The following SLC13A3 variants were observed in gnomAD, a reference collection of about 807,000 sequenced individuals.
SLC13A3 encodes the protein Na(+)/dicarboxylate cotransporter 3.
SLC13A3 carries 40 observed loss-of-function variants against 59.0 expected under a neutral mutation model. The ratio of observed to expected loss-of-function variants is 0.68; its 90% CI spans 0.53 to 0.88. The LOEUF (loss-of-function observed/expected upper bound fraction) is 0.88, where lower values mean the gene tolerates loss of function less well. Ranked by LOEUF, SLC13A3 falls within the 40% of genes least tolerant of loss-of-function variation. The pLI, the probability that SLC13A3 is intolerant of heterozygous loss-of-function variation, is 0.00. For missense variants in SLC13A3, 699 were observed against 783.2 expected, an observed-to-expected ratio of 0.89 and a Z score of 1.28; for synonymous variants, 317 against 330.3, an observed-to-expected ratio of 0.96 and a Z score of 0.44.
At chr20:46,574,865 TCTC>T (rs1340571216) in intron 10 of SLC13A3, among the ~76,000 whole-genome samples, 1 of 143,764 alleles carries the variant, frequency 7.0e-6, no homozygotes, top group Non-Finnish European at 1.5e-5. Context: ...AGAGATGAGG[TCTC>T]GCTCTGTCAC....
chr20:46,566,470 A>G, intron 10 of SLC13A3, 80 bp from the exon 11 acceptor site: 1 of 1,483,196 alleles, frequency 6.7e-7, no homozygotes, highest in South Asian at 1.3e-5. Flanking sequence ...ATAGATCACA[A>G]CAATGACGAC....
At chr20:46,604,482 T>C (rs1197823846) in intron 3 of SLC13A3, among the ~76,000 whole-genome samples, 2 of 152,194 alleles carry the variant, frequency 1.3e-5, no homozygotes, top group Admixed American at 6.5e-5. Context: ...TTTTCTTTTT[T>C]ACATGGGATT....
intron 2 of SLC13A3, 85 bp from the exon 3 acceptor site, chr20:46,610,694 A>G: frequency 6.2e-6 from 7 of 1,136,252 alleles, no homozygotes; most frequent in Non-Finnish European, 8.8e-6. Flanking sequence ...CCTGAGGAAT[A>G]CAATCCATCC....
Position 46,596,253 on chromosome 20 carries a change from C to A in SLC13A3, c.698G>T (p.Gly233Val). The A allele has an allele frequency of 6.2e-7, 1 of 1,614,170 alleles. No individual in the cohort carries two copies. The highest frequency in any genetic ancestry group is 1.1e-5 in the South Asian group (1 of 91,088). ...EDEYRRNIWKGFLISIPYSAS... is the reference protein window; with the variant it reads ...EDEYRRNIWKVFLISIPYSAS... ...TGAGTAGGGGATGGAGATGAGGAAG[C>A]CCTTCCAGATGTTCCGACGATATTC... The change falls in exon 5 of 13, where the codon GGC becomes GTC. Residue 233 changes from glycine to valine, a missense_variant. Coordinates refer to ENST00000279027, the MANE Select transcript of SLC13A3 (RefSeq NM_022829.6).
Position 46,581,340 on chromosome 20 carries a change from G to A in SLC13A3, c.1219+2232C>T, listed in dbSNP as rs547584713. Among the ~76,000 whole-genome samples, 43 of 152,342 alleles carry A rather than the reference G, an allele frequency of 2.8e-4. No homozygotes were observed. In the East Asian group the frequency reaches 4.0e-3, roughly 14 times the overall value. Reference sequence around the variant, plus strand: ...ATCCATAGGCAGGCCAGGGATCTACGAGGCTGTGAAGTAGCCTTGTGGAAG... The same window carrying A: ...ATCCATAGGCAGGCCAGGGATCTACAAGGCTGTGAAGTAGCCTTGTGGAAG... On this transcript the variant is annotated intron_variant, in intron 9 of 12. Transcript: ENST00000279027.
chr20:46,582,730 A>G (rs934817545), intron 9 of SLC13A3: 1 of 985,046 alleles, frequency 1.0e-6, no homozygotes, highest in Non-Finnish European at 1.2e-6. Flanking sequence ...GGCTATCCTG[A>G]GTGACACTAT....
At chr20:46,565,255 G>C (rs2146079483) in intron 11 of SLC13A3, among the ~76,000 whole-genome samples, 1 of 152,024 alleles carries the variant, frequency 6.6e-6, no homozygotes, top group Non-Finnish European at 1.5e-5. Context: ...CTCTTCCCTT[G>C]CTCTCCTTAC....
At chr20:46,676,332 C>T (rs1568967824) in intron 1 of SLC13A3, among the ~76,000 whole-genome samples, 1 of 151,640 alleles carries the variant, frequency 6.6e-6, no homozygotes, top group African/African-American at 2.4e-5. Flanking sequence ...AGAAATAGAA[C>T]TTGTCCATCC....
chr20:46,583,934 T>A, intron 8 of SLC13A3: 1 of 985,378 alleles, frequency 1.0e-6, no homozygotes, highest in Non-Finnish European at 1.2e-6. Flanking sequence ...GAAGAGGGAC[T>A]TGACCAAAGA....
intron 1 of SLC13A3, among the ~76,000 whole-genome samples, chr20:46,676,808 G>A (rs1194756990): frequency 2.0e-5 from 3 of 152,186 alleles, no homozygotes; most frequent in Non-Finnish European, 4.4e-5. Flanking sequence ...TGGGGACGAC[G>A]GCAGAAGTGG....
At chr20:46,583,898 T>A (rs976147578) in intron 8 of SLC13A3, 5 of 985,212 alleles carry the variant, frequency 5.1e-6, no homozygotes, top group African/African-American at 1.7e-5. Flanking sequence ...AAGCAAATGC[T>A]TATCTTCCCA....
At chr20:46,683,771 T>C (rs572649018) in intron 1 of SLC13A3, among the ~76,000 whole-genome samples, 1 of 152,302 alleles carries the variant, frequency 6.6e-6, no homozygotes, top group African/African-American at 2.4e-5. Context: ...CAGACAAGCC[T>C]GCTTCTCCAC....
chr20:46,605,072 G>C (rs2062424268), intron 3 of SLC13A3, among the ~76,000 whole-genome samples: 1 of 152,204 alleles, frequency 6.6e-6, no homozygotes, highest in South Asian at 2.1e-4. Flanking sequence ...CTCTGCATCT[G>C]AGTTGAAGAG....
chr20:46,632,969 G>T (rs6094403), intron 1 of SLC13A3, among the ~76,000 whole-genome samples: 3 of 113,564 alleles, frequency 2.6e-5, no homozygotes, highest in African/African-American at 9.6e-5. Flanking sequence ...CTATCTATCT[G>T]TTTATGTATC....
intron 1 of SLC13A3, among the ~76,000 whole-genome samples, chr20:46,649,585 C>T (rs557793012): frequency 6.6e-6 from 1 of 152,188 alleles, no homozygotes; most frequent in Non-Finnish European, 1.5e-5. Flanking sequence ...CAGCCACCCA[C>T]ACTTCCACCA....
chr20:46,560,026 AG>A lies in SLC13A3; in HGVS notation c.1804del (p.Leu602SerfsTer44), dbSNP rs1284541457. The A allele has an allele frequency of 1.2e-6, 2 of 1,613,942 alleles. No individual in the cohort carries two copies. The highest frequency in any genetic ancestry group is 1.7e-5 in the Admixed American group (1 of 60,006). On this transcript the variant is annotated frameshift_variant, in exon 13 of 13. Transcript: ENST00000279027. LOFTEE classifies it high-confidence loss of function. ...AAGGGAGTCCTCCAGGGGGACTCAG[AG>A]GGTCCGAAATGTGTCATTGGCCAAG... is the stretch of plus-strand genomic sequence containing the variant. ...PTLANDTFRTL is the reference protein window; with the variant it reads ...PTLANDTFRTX
chr20:46,657,681 G>A (rs970433947), intron 1 of SLC13A3, among the ~76,000 whole-genome samples: 1 of 152,092 alleles, frequency 6.6e-6, no homozygotes, highest in Non-Finnish European at 1.5e-5. Context: ...AAGAAAAGAG[G>A]TTTAATGAGC....
At chr20:46,636,989 T>G (rs1000424670) in intron 1 of SLC13A3, among the ~76,000 whole-genome samples, 2 of 151,980 alleles carry the variant, frequency 1.3e-5, no homozygotes, top group Admixed American at 1.3e-4. Flanking sequence ...TTAGTAGAGA[T>G]GGGATTTCAC....
At chr20:46,682,301 G>C (rs2063157311) in intron 1 of SLC13A3, 1 of 152,226 alleles carries the variant, frequency 6.6e-6, no homozygotes, top group South Asian at 2.1e-4. Context: ...AGTTAAATCA[G>C]AGATTATGCC....
Sources: gnomAD v4.1 joint callset for allele counts (sites outside exome capture counted in the v4.1 genomes callset) on GRCh38, gnomAD v4.1.1 for gene constraint, MANE v1.5 for transcripts, NCBI Gene and HGNC (gene_info 2026-07-23, HGNC 2026-07-21) for gene names.